The following TBC1D5 variants were observed in gnomAD, a reference collection of about 807,000 sequenced individuals.
The protein encoded by TBC1D5 is TBC1 domain family member 5.
TBC1D5 carries 75 observed loss-of-function variants against 100.3 expected under a neutral mutation model. The ratio of observed to expected loss-of-function variants is 0.75; its 90% CI spans 0.62 to 0.91. The LOEUF (loss-of-function observed/expected upper bound fraction) is 0.91, where lower values mean the gene tolerates loss of function less well. Among genes scored for constraint, TBC1D5 ranks in the 40% least tolerant of loss-of-function variants. The probability of loss-of-function intolerance (pLI) is 0.00; values close to 1 mark genes in which losing one functional copy is unlikely to be tolerated. For missense variants in TBC1D5, 910 were observed against 942.4 expected (o/e 0.97, Z 0.45); for synonymous variants, 323 against 325.6 (o/e 0.99, Z 0.09).
At chr3:17,375,565 TA>T (rs200229140) in intron 10 of TBC1D5, among the ~76,000 whole-genome samples, 607 of 142,682 alleles carry the variant, frequency 4.3e-3, no homozygotes, top group Admixed American at 6.3e-3. Flanking sequence ...ACATAAAATT[TA>T]AAAAAAAAAA....
At chr3:17,727,179 G>A (rs1283391749) in intron 1 of TBC1D5, among the ~76,000 whole-genome samples, 4 of 152,084 alleles carry the variant, frequency 2.6e-5, no homozygotes, top group Admixed American at 2.0e-4. Context: ...TCAGGAGTTC[G>A]AGACCAGCCT....
intron 5 of TBC1D5, 92 bp downstream of exon 5, chr3:17,406,323 ATTC>A (rs1436809300): frequency 1.0e-5 from 11 of 1,091,716 alleles, no homozygotes; most frequent in Non-Finnish European, 1.4e-5. Flanking sequence ...CTCTTGGAAA[ATTC>A]AGTGATCCCC....
At chr3:17,303,407 G>C (rs530753847) in intron 14 of TBC1D5, among the ~76,000 whole-genome samples, 1 of 152,168 alleles carries the variant, frequency 6.6e-6, no homozygotes, top group African/African-American at 2.4e-5. Flanking sequence ...TTCAATAAAA[G>C]CTGTTTTCTT....
chr3:17,446,386 G>T lies in TBC1D5; in HGVS notation c.98-17867C>A, dbSNP rs149535351. ...AAGGTGACAAATCTATTGCATTGGT[G>T]GCTAAGAGATGTCAATAATGATTCC... On this transcript the variant is annotated intron_variant, in intron 3 of 21. Coordinates refer to ENST00000253692, the Ensembl canonical transcript of TBC1D5. Among the ~76,000 whole-genome samples the T allele has an allele frequency of 6.0e-3, 909 of 152,094 alleles. 33 individuals are homozygous for T. Among genetic ancestry groups the T allele is most frequent in the Admixed American group, 0.055 (833 of 15,282 alleles).
upstream of TBC1D5, among the ~76,000 whole-genome samples, chr3:17,741,330 T>A (rs917007261): frequency 6.6e-6 from 1 of 152,220 alleles, no homozygotes; most frequent in African/African-American, 2.4e-5. Flanking sequence ...TTCAGAGATA[T>A]GGTATGAAAA....
chr3:17,298,423 G>A (rs1283115472), intron 14 of TBC1D5, among the ~76,000 whole-genome samples: 1 of 152,144 alleles, frequency 6.6e-6, no homozygotes, highest in Non-Finnish European at 1.5e-5. Flanking sequence ...CTAGGGTAGG[G>A]CTGATAATAA....
intron 13 of TBC1D5, among the ~76,000 whole-genome samples, chr3:17,369,385 T>C (rs920313302): frequency 2.0e-5 from 3 of 152,178 alleles, no homozygotes; most frequent in African/African-American, 7.2e-5. Flanking sequence ...TACTACATAC[T>C]GAGTACTACT....
chr3:17,389,507 G>A (rs1417901062), intron 8 of TBC1D5, among the ~76,000 whole-genome samples: 1 of 152,088 alleles, frequency 6.6e-6, no homozygotes, highest in African/African-American at 2.4e-5. Flanking sequence ...CCACCATGCT[G>A]TAAGGAAGCC....
At chr3:17,504,969 T>C (rs2095829148) in intron 3 of TBC1D5, among the ~76,000 whole-genome samples, 2 of 152,188 alleles carry the variant, frequency 1.3e-5, no homozygotes, top group Admixed American at 1.3e-4. Context: ...AAACATGTCA[T>C]TGTAATGGAA....
At chr3:17,435,568 C>T (rs2149459079) in intron 3 of TBC1D5, among the ~76,000 whole-genome samples, 1 of 152,302 alleles carries the variant, frequency 6.6e-6, no homozygotes. Flanking sequence ...ACAAGAACAG[C>T]AGCATGGGGG....
chr3:17,523,656 AAC>A (rs1225885051), intron 2 of TBC1D5, among the ~76,000 whole-genome samples: 1 of 152,200 alleles, frequency 6.6e-6, no homozygotes, highest in Non-Finnish European at 1.5e-5. Context: ...GCAGCTGCAA[AAC>A]AGACATATAA....
At chr3:17,628,724 T>C (rs138536302) in intron 1 of TBC1D5, among the ~76,000 whole-genome samples, 305 of 152,332 alleles carry the variant, frequency 2.0e-3, no homozygotes, top group Non-Finnish European at 3.2e-3. Flanking sequence ...GCACTAGGAA[T>C]TGTTAGGATA....
At chr3:17,232,393 A>G (rs142213152) in intron 17 of TBC1D5, among the ~76,000 whole-genome samples, 128 of 152,316 alleles carry the variant, frequency 8.4e-4, no homozygotes, top group African/African-American at 2.8e-3. Context: ...ATTTTAGAAA[A>G]CAAATTTAAG....
intron 4 of TBC1D5, among the ~76,000 whole-genome samples, chr3:17,412,716 G>C (rs1290052479): frequency 1.3e-5 from 2 of 152,152 alleles, no homozygotes; most frequent in African/African-American, 4.8e-5. Flanking sequence ...AAATCACTTA[G>C]GGTATATATT....
At chr3:17,376,816 ATTC>A (rs1303380663) in intron 9 of TBC1D5, among the ~76,000 whole-genome samples, 2 of 152,190 alleles carry the variant, frequency 1.3e-5, no homozygotes, top group Non-Finnish European at 2.9e-5. Context: ...CACAGCAGGT[ATTC>A]TTCTTTAAAA....
At chr3:17,321,743 G>T (rs980317816) in intron 13 of TBC1D5, among the ~76,000 whole-genome samples, 2 of 152,120 alleles carry the variant, frequency 1.3e-5, no homozygotes, top group African/African-American at 2.4e-5. Context: ...TCTTTCTTGA[G>T]GGTTGTTTTC....
At chr3:17,671,927 A>G (rs1030688943) in intron 1 of TBC1D5, among the ~76,000 whole-genome samples, 1 of 152,230 alleles carries the variant, frequency 6.6e-6, no homozygotes, top group Non-Finnish European at 1.5e-5. Context: ...ACTGACATTC[A>G]ATAAATGATC....
intron 2 of TBC1D5, among the ~76,000 whole-genome samples, chr3:17,558,335 A>G (rs1342227784): frequency 6.6e-6 from 1 of 152,172 alleles, no homozygotes; most frequent in Non-Finnish European, 1.5e-5. Context: ...ATCACCTTAA[A>G]TTACAATTTA....
intron 2 of TBC1D5, among the ~76,000 whole-genome samples, chr3:17,601,483 C>A (rs149714537): frequency 1.3e-5 from 2 of 152,184 alleles, no homozygotes; most frequent in Non-Finnish European, 2.9e-5. Flanking sequence ...TGCACTCCAG[C>A]CTGGGCAACA....
Sources: gnomAD v4.1 joint callset for allele counts (sites outside exome capture counted in the v4.1 genomes callset) on GRCh38, gnomAD v4.1.1 for gene constraint, MANE v1.5 for transcripts, NCBI Gene and HGNC (gene_info 2026-07-23, HGNC 2026-07-21) for gene names.